BCL2L1: variants seen among roughly 807,000 people sequenced by gnomAD.
BCL2L1 encodes the protein bcl-2-like protein 1.
Under a neutral mutation model 18.7 loss-of-function variants are expected in BCL2L1, and 1 was observed. The ratio of observed to expected loss-of-function variants is 0.05; its 90% CI spans 0.02 to 0.25. The LOEUF (loss-of-function observed/expected upper bound fraction) is 0.25. BCL2L1 is among the 10% of genes least tolerant of loss of function. The pLI is 1.00. For missense variants in BCL2L1, 207 were observed against 304.9 expected, an observed-to-expected ratio of 0.68 and a Z score of 2.39; for synonymous variants, 103 against 122.7, an observed-to-expected ratio of 0.84 and a Z score of 1.06.
chr20:31,687,854 T>C (rs1008995382), intron 2 of BCL2L1, among the ~76,000 whole-genome samples: 25 of 152,102 alleles, frequency 1.6e-4, no homozygotes, highest in African/African-American at 6.0e-4. Context: ...TATTAGACAA[T>C]AAGACCATAT....
chr20:31,673,562 G>C (rs2060709112), intron 2 of BCL2L1, among the ~76,000 whole-genome samples: 1 of 151,864 alleles, frequency 6.6e-6, no homozygotes, highest in Non-Finnish European at 1.5e-5. Flanking sequence ...TGCTGAGGAG[G>C]ATCTTTGAGC....
At chr20:31,698,140 G>A (rs148051193) in intron 2 of BCL2L1, among the ~76,000 whole-genome samples, 7 of 150,422 alleles carry the variant, frequency 4.7e-5, no homozygotes, top group Admixed American at 2.0e-4. Flanking sequence ...TGCCTGCCTC[G>A]GCCTCCCAAA....
At chr20:31,716,057 C>T (rs961498580) in intron 2 of BCL2L1, among the ~76,000 whole-genome samples, 2 of 152,136 alleles carry the variant, frequency 1.3e-5, no homozygotes, top group African/African-American at 4.8e-5. Flanking sequence ...TAACAGAAGT[C>T]CCAAGCCCCA....
At chr20:31,716,055 G>T (rs1414671765) in intron 2 of BCL2L1, among the ~76,000 whole-genome samples, 1 of 152,014 alleles carries the variant, frequency 6.6e-6, no homozygotes, top group Non-Finnish European at 1.5e-5. Flanking sequence ...CCTAACAGAA[G>T]TCCCAAGCCC....
At chr20:31,678,011 C>T (rs2060791906) in intron 2 of BCL2L1, among the ~76,000 whole-genome samples, 2 of 152,156 alleles carry the variant, frequency 1.3e-5, no homozygotes, top group African/African-American at 4.8e-5. Flanking sequence ...CCCAATATAG[C>T]AGGTGATTAT....
intron 2 of BCL2L1, among the ~76,000 whole-genome samples, chr20:31,701,668 A>C (rs903252679): frequency 6.6e-6 from 1 of 152,238 alleles, no homozygotes; most frequent in African/African-American, 2.4e-5. Flanking sequence ...ATGATGTTCC[A>C]AACAACTCAT....
rs1049602003 is a variant in BCL2L1 at position 31,676,263 on chromosome 20, G to A, written c.565-10177C>T. Among the ~76,000 whole-genome samples the A allele has an allele frequency of 3.3e-5, 5 of 152,172 alleles. No homozygotes were observed. In the East Asian group the frequency reaches 9.6e-4, roughly 29 times the overall value. ...CCAGGCATGGTGCTAAGTGCTTCGT[G>A]TGTAAAGAATTTGCTTAATCCTCAC... On this transcript the variant is annotated intron_variant, in intron 2 of 2. Coordinates refer to ENST00000307677, the MANE Select transcript of BCL2L1 (RefSeq NM_138578.3).
chr20:31,664,635 A>G lies in BCL2L1; in HGVS notation c.*1314T>C, dbSNP rs979657125. Reference sequence around the variant, plus strand: ...AGGGGAGGGAGCATCAGGCCGTCCAATCTCCGGGCACCAGCTCTCCACGTG... The same window carrying G: ...AGGGGAGGGAGCATCAGGCCGTCCAGTCTCCGGGCACCAGCTCTCCACGTG... On this transcript the variant is annotated 3_prime_UTR_variant, in exon 3 of 3. Coordinates refer to ENST00000307677, the MANE Select transcript of BCL2L1 (RefSeq NM_138578.3). 5.1e-5 allele frequency: 11 copies of G among 214,172 alleles called. No individual in the cohort carries two copies. Among genetic ancestry groups the G allele is most frequent in the African/African-American group, 2.0e-4 (9 of 44,194 alleles). 13.3% of individuals were successfully genotyped at this position (214,172 alleles called of 1,614,324 possible).
chr20:31,720,228 G>A, intron 2 of BCL2L1: 2 of 908,330 alleles, frequency 2.2e-6, no homozygotes, highest in Non-Finnish European at 2.6e-6. Context: ...AATGAGAGAG[G>A]GGGTGGGGTT....
chr20:31,693,595 C>T (rs553416146), intron 2 of BCL2L1, among the ~76,000 whole-genome samples: 1 of 152,012 alleles, frequency 6.6e-6, no homozygotes, highest in Non-Finnish European at 1.5e-5. Context: ...AACAGTGGCG[C>T]GATCATAGCT....
intron 1 of BCL2L1, 119 bp from the exon 2 acceptor site, chr20:31,722,467 G>A (rs2061652043): frequency 2.8e-6 from 1 of 352,566 alleles, no homozygotes; most frequent in Non-Finnish European, 5.1e-6. Context: ...TAGGTTCCAA[G>A]ATACTTCACT....
At chr20:31,686,655 T>TG (rs1298049390) in intron 2 of BCL2L1, among the ~76,000 whole-genome samples, 1 of 152,132 alleles carries the variant, frequency 6.6e-6, no homozygotes, top group East Asian at 1.9e-4. Flanking sequence ...TCCTGTTACT[T>TG]GGACCCTCCA....
intron 2 of BCL2L1, among the ~76,000 whole-genome samples, chr20:31,703,186 A>AGG (rs1056694779): frequency 6.6e-6 from 1 of 151,336 alleles, no homozygotes; most frequent in African/African-American, 2.4e-5. Flanking sequence ...CTGGCATCAC[A>AGG]GGCATGAGCC....
Position 31,722,747 on chromosome 20 carries a change from A to C in BCL2L1, c.-260T>G, listed in dbSNP as rs1454603706. ...CGGCCTCGCGGTGGCTGGCAAAAAA[A>C]CCAGCTCCGGCCGGAGGGATCATGC... On this transcript the variant is annotated 5_prime_UTR_variant, in exon 1 of 3. Coordinates refer to ENST00000307677, the MANE Select transcript of BCL2L1 (RefSeq NM_138578.3). 2 of 152,222 alleles carry C rather than the reference A, an allele frequency of 1.3e-5. No individual in the cohort carries two copies. Among genetic ancestry groups the C allele is most frequent in the East Asian group, 1.9e-4 (1 of 5,184 alleles). The allele number at this position is 152,222 out of a possible 1,614,324, so 9.4% of individuals were successfully genotyped here.
chr20:31,715,271 C>CAAA (rs567772766), intron 2 of BCL2L1, among the ~76,000 whole-genome samples: 2 of 92,968 alleles, frequency 2.2e-5, no homozygotes, highest in African/African-American at 3.9e-5. Context: ...GACTCTGTCT[C>CAAA]AAAAAAAAAA....
intron 2 of BCL2L1, among the ~76,000 whole-genome samples, chr20:31,683,452 C>T (rs1285189430): frequency 2.0e-5 from 3 of 152,138 alleles, no homozygotes; most frequent in East Asian, 1.9e-4. Flanking sequence ...GCCACCTAAT[C>T]ACTCTCTGTC....
chr20:31,711,996 AC>A (rs2061460383), intron 2 of BCL2L1, among the ~76,000 whole-genome samples: 1 of 152,184 alleles, frequency 6.6e-6, no homozygotes, highest in South Asian at 2.1e-4. Flanking sequence ...AATGAAGGTA[AC>A]AACACCTACT....
At chr20:31,688,798 T>C (rs1470246093) in intron 2 of BCL2L1, among the ~76,000 whole-genome samples, 1 of 152,208 alleles carries the variant, frequency 6.6e-6, no homozygotes, top group Admixed American at 6.5e-5. Flanking sequence ...GGTTAAAGTA[T>C]AGAATAGTGC....
chr20:31,698,320 G>A (rs937958854), intron 2 of BCL2L1, among the ~76,000 whole-genome samples: 13 of 152,148 alleles, frequency 8.5e-5, no homozygotes, highest in African/African-American at 2.2e-4. Flanking sequence ...ATAGCTCACT[G>A]CAGCCATGAA....
Sources: gnomAD v4.1 joint callset for allele counts (sites outside exome capture counted in the v4.1 genomes callset) on GRCh38, gnomAD v4.1.1 for gene constraint, MANE v1.5 for transcripts, NCBI Gene and HGNC (gene_info 2026-07-23, HGNC 2026-07-21) for gene names.